Variants in ZNF787 observed in about 807,000 individuals in gnomAD.
The protein encoded by ZNF787 is zinc finger protein 787, also known as TTF-I-interacting peptide 20.
A neutral mutation model predicts 16.9 loss-of-function variants in ZNF787; 7 were observed. That is an observed-to-expected ratio of 0.42 (90% CI 0.24 to 0.78). The LOEUF is 0.78. ZNF787 is among the 30% of genes least tolerant of loss of function. ZNF787 has a pLI of 0.30. For synonymous variants in ZNF787, 345 were observed against 270.9 expected, an observed-to-expected ratio of 1.27 and a Z score of -2.69; for missense variants, 551 against 589.3, an observed-to-expected ratio of 0.94 and a Z score of 0.67.
intron 1 of ZNF787, among the ~76,000 whole-genome samples, chr19:56,106,508 T>C (rs542147679): frequency 7.1e-4 from 108 of 152,374 alleles, no homozygotes; most frequent in African/African-American, 2.2e-3. Flanking sequence ...TTATCAGAGT[T>C]GCCTACTGAG....
intron 2 of ZNF787, among the ~76,000 whole-genome samples, chr19:56,089,983 A>G (rs1471424684): frequency 6.6e-6 from 1 of 152,304 alleles, no homozygotes; most frequent in African/African-American, 2.4e-5. Flanking sequence ...CCAGAGCAAC[A>G]GAATCAGGTG....
intron 1 of ZNF787, among the ~76,000 whole-genome samples, chr19:56,114,628 C>G (rs114573649): frequency 6.6e-6 from 1 of 152,176 alleles, no homozygotes; most frequent in Non-Finnish European, 1.5e-5. Context: ...AGGCCCACAC[C>G]CCACCTTTCC....
intron 2 of ZNF787, among the ~76,000 whole-genome samples, chr19:56,091,320 GCTCC>G (rs1985565528): frequency 6.6e-6 from 1 of 152,202 alleles, no homozygotes; most frequent in Non-Finnish European, 1.5e-5. Context: ...GTGTAGCAAT[GCTCC>G]CTGTGACTCA....
At chr19:56,115,476 A>G (rs1431870770) in intron 1 of ZNF787, among the ~76,000 whole-genome samples, 4 of 147,022 alleles carry the variant, frequency 2.7e-5, no homozygotes, top group Non-Finnish European at 5.9e-5. Context: ...CTCCTGCCTC[A>G]GCCTCCCGAG....
chr19:56,100,503 T>C (rs976483334), intron 2 of ZNF787, among the ~76,000 whole-genome samples: 1 of 152,046 alleles, frequency 6.6e-6, no homozygotes, highest in East Asian at 1.9e-4. Context: ...TGGTTCCCTT[T>C]TCTCTGCCTG....
At chr19:56,105,954 C>G (rs112460060) in intron 1 of ZNF787, among the ~76,000 whole-genome samples, 3 of 134,980 alleles carry the variant, frequency 2.2e-5, no homozygotes, top group East Asian at 2.2e-4. Flanking sequence ...GCATTCCCCC[C>G]TCCGCGCCCA....
At chr19:56,116,073 G>A (rs953218993) in intron 1 of ZNF787, among the ~76,000 whole-genome samples, 3 of 152,036 alleles carry the variant, frequency 2.0e-5, no homozygotes, top group Non-Finnish European at 4.4e-5. Flanking sequence ...TGTCGGGGGA[G>A]GGTGCAGGCG....
intron 1 of ZNF787, 103 bp from the exon 2 acceptor site, chr19:56,103,330 A>G: frequency 1.0e-6 from 1 of 992,736 alleles, no homozygotes; most frequent in Non-Finnish European, 1.5e-6. Flanking sequence ...TGACAGGCAC[A>G]GCGCCCGGCA....
At chr19:56,092,190 TAA>T (rs1194271739) in intron 2 of ZNF787, among the ~76,000 whole-genome samples, 1 of 152,102 alleles carries the variant, frequency 6.6e-6, no homozygotes, top group African/African-American at 2.4e-5. Context: ...CTCATTCAAT[TAA>T]AAAAATAAGA....
rs558082406 is a variant in ZNF787 at position 56,089,677 on chromosome 19, C to T, written c.80-585G>A. Among the ~76,000 whole-genome samples, 58 of 152,290 alleles carry T rather than the reference C, an allele frequency of 3.8e-4. 1 individual carries two copies. Among genetic ancestry groups the T allele is most frequent in the Middle Eastern group, 6.8e-3 (2 of 294 alleles). On this transcript the variant is annotated intron_variant, in intron 2 of 2. Transcript: ENST00000610935. ...GAGATGAGCATGAAAGCCCCACCTCCGAACCTGGGAGTAAAACCTGGCTCA... is the reference window on the plus strand; with the variant it reads ...GAGATGAGCATGAAAGCCCCACCTCTGAACCTGGGAGTAAAACCTGGCTCA...
intron 1 of ZNF787, among the ~76,000 whole-genome samples, chr19:56,109,885 A>G (rs1026418301): frequency 9.9e-5 from 15 of 152,146 alleles, no homozygotes; most frequent in Admixed American, 6.5e-5. Flanking sequence ...CTCCGTCTCA[A>G]AAAAATAAAA....
At chr19:56,102,584 G>A in intron 2 of ZNF787, 1 of 453,482 alleles carries the variant, frequency 2.2e-6, no homozygotes, top group East Asian at 3.5e-5. Context: ...CATTGCCAAT[G>A]TCCAAAAAGT....
intron 1 of ZNF787, among the ~76,000 whole-genome samples, chr19:56,107,532 A>C (rs76006181): frequency 0.048 from 7,351 of 152,066 alleles, 614 homozygotes; most frequent in African/African-American, 0.17. Flanking sequence ...CACTGGGAGA[A>C]ACGAGTCACC....
rs1985434022 is a variant in ZNF787 at position 56,088,437 on chromosome 19, C to G, written c.735G>C (p.Val245=). ...CGGCCCCCTCGCCCGGCGCGCCCAC[C>G]ACGATGATGCCCTCGCCATCGCCCA... ...IPVGDGEGII[V]VGAPGEGAAA... The change falls in exon 3 of 3, where the codon GTG becomes GTC. Residue 245 remains valine, a synonymous_variant. Transcript: ENST00000610935. The surrounding 1 kb of genome is among the most constrained non-coding windows in gnomAD (Gnocchi z 8.6). The G allele has an allele frequency of 2.4e-6, 3 of 1,229,408 alleles. No individual in the cohort carries two copies. The highest frequency in any genetic ancestry group is 9.2e-5 in the Admixed American group (2 of 21,742). 76.2% of individuals were successfully genotyped at this position (1,229,408 alleles called of 1,614,324 possible).
chr19:56,115,698 G>C (rs969017192), intron 1 of ZNF787, among the ~76,000 whole-genome samples: 4 of 152,090 alleles, frequency 2.6e-5, no homozygotes, highest in Admixed American at 6.6e-5. Flanking sequence ...TCTTCCTCGG[G>C]GGCATCAGCA....
Position 56,087,804 on chromosome 19 carries a change from G to C in ZNF787, c.*219C>G, listed in dbSNP as rs917653309. The C allele has an allele frequency of 4.8e-5, 34 of 710,764 alleles. No individual in the cohort carries two copies. Among genetic ancestry groups the C allele is most frequent in the Non-Finnish European group, 1.9e-6 (1 of 520,414 alleles). The allele number at this position is 710,764 out of a possible 1,614,324, so 44.0% of individuals were successfully genotyped here. A position where few individuals can be genotyped will look rare whatever the true frequency, so the allele number is the denominator to read the frequency against. On this transcript the variant is annotated 3_prime_UTR_variant, in exon 3 of 3. Coordinates refer to ENST00000610935, the MANE Select transcript of ZNF787 (RefSeq NM_001002836.4). ...CCGATAACTTAGGAAGGGCGGGCCA[G>C]GCTGAGGGGGCAGAGTCTCGAGGCG...
chr19:56,110,099 C>T (rs533897811), intron 1 of ZNF787, among the ~76,000 whole-genome samples: 2 of 152,306 alleles, frequency 1.3e-5, no homozygotes, highest in African/African-American at 2.4e-5. Flanking sequence ...CGGTGGCTCA[C>T]GCCTGTAATC....
intron 1 of ZNF787, among the ~76,000 whole-genome samples, chr19:56,115,106 G>C (rs1021531589): frequency 2.0e-5 from 3 of 151,952 alleles, no homozygotes; most frequent in Admixed American, 6.6e-5. Context: ...GTGACACCAC[G>C]GAGATCCCAG....
At chr19:56,094,959 C>T (rs929265120) in intron 2 of ZNF787, among the ~76,000 whole-genome samples, 2 of 152,062 alleles carry the variant, frequency 1.3e-5, no homozygotes, top group East Asian at 1.9e-4. Flanking sequence ...TAAAAAAATA[C>T]AAAAATTAGC....
Sources: allele counts gnomAD v4.1 joint callset (sites outside exome capture counted in the v4.1 genomes callset), GRCh38; gene constraint gnomAD v4.1.1; non-coding constraint Gnocchi (gnomAD v3.1); transcripts MANE v1.5; gene names NCBI Gene and HGNC (gene_info 2026-07-23, HGNC 2026-07-21).